ACOXL: variants seen among roughly 807,000 people sequenced by gnomAD.
The protein encoded by ACOXL is acyl-CoA oxidase like.
ACOXL carries 70 observed loss-of-function variants against 71.9 expected under a neutral mutation model. The observed-to-expected ratio is 0.97, with a 90% confidence interval of 0.80 to 1.19. The LOEUF (loss-of-function observed/expected upper bound fraction) is 1.19. Among genes scored for constraint, ACOXL ranks in the 50% most tolerant of loss-of-function variants. ACOXL has a pLI of 0.00. For synonymous variants in ACOXL, 253 were observed against 281.6 expected, an observed-to-expected ratio of 0.90 and a Z score of 1.02; for missense variants, 703 against 736.3, an observed-to-expected ratio of 0.95 and a Z score of 0.52.
chr2:110,960,180 A>T (rs879492563), intron 12 of ACOXL, among the ~76,000 whole-genome samples: 5 of 152,192 alleles, frequency 3.3e-5, no homozygotes, highest in Non-Finnish European at 5.9e-5. Context: ...CAGGATTGCA[A>T]AACCCCACGG....
intron 5 of ACOXL, among the ~76,000 whole-genome samples, chr2:110,796,385 C>A (rs1685283732): frequency 6.6e-6 from 1 of 152,202 alleles, no homozygotes; most frequent in Non-Finnish European, 1.5e-5. Context: ...TTTTGCTGGC[C>A]TTCAAACAAA....
chr2:110,883,868 A>G (rs1008782228), intron 10 of ACOXL, among the ~76,000 whole-genome samples: 2 of 152,244 alleles, frequency 1.3e-5, no homozygotes, highest in Non-Finnish European at 2.9e-5. Context: ...AAAAGTATGT[A>G]TATTAAAGAA....
chr2:110,924,835 A>G (rs2060213978), intron 11 of ACOXL, among the ~76,000 whole-genome samples: 1 of 143,162 alleles, frequency 7.0e-6, no homozygotes, highest in South Asian at 2.4e-4. Flanking sequence ...AAGATTTTCA[A>G]TTCACCTAGG....
chr2:110,752,621 C>T (rs779669727), intron 1 of ACOXL, among the ~76,000 whole-genome samples: 29 of 151,198 alleles, frequency 1.9e-4, no homozygotes, highest in African/African-American at 5.4e-4. Context: ...AGTTACTTTG[C>T]GATAATTCAC....
At chr2:110,844,489 A>T (rs1214001397) in intron 10 of ACOXL, among the ~76,000 whole-genome samples, 1 of 149,494 alleles carries the variant, frequency 6.7e-6, no homozygotes, top group Non-Finnish European at 1.5e-5. Context: ...GGAGGACCTG[A>T]TCTTTTCTCT....
chr2:111,031,553 C>A, intron 14 of ACOXL, 74 bp from the exon 15 acceptor site: 1 of 1,366,358 alleles, frequency 7.3e-7, no homozygotes, highest in Non-Finnish European at 1.0e-6. Context: ...TGGATGTTTG[C>A]CGTCTGTCTT....
intron 11 of ACOXL, among the ~76,000 whole-genome samples, chr2:110,913,716 G>A (rs2059733177): frequency 6.6e-6 from 1 of 152,170 alleles, no homozygotes; most frequent in East Asian, 1.9e-4. Context: ...ATACAAGCAT[G>A]GCACAGGCAT....
chr2:110,784,449 G>A (rs556879565), intron 2 of ACOXL, among the ~76,000 whole-genome samples: 37 of 152,276 alleles, frequency 2.4e-4, no homozygotes, highest in Non-Finnish European at 2.9e-5. Flanking sequence ...GGCACGAGGC[G>A]AGTCGGTCGC....
At chr2:110,984,094 C>T (rs571285456) in intron 12 of ACOXL, among the ~76,000 whole-genome samples, 10 of 152,248 alleles carry the variant, frequency 6.6e-5, no homozygotes, top group African/African-American at 1.2e-4. Context: ...GATCCACCCA[C>T]GTTGGCCTCC....
chr2:110,880,256 C>A (rs912516141), intron 10 of ACOXL, among the ~76,000 whole-genome samples: 1 of 152,052 alleles, frequency 6.6e-6, no homozygotes, highest in African/African-American at 2.4e-5. Context: ...GAGTGCCCTC[C>A]CTGTCCCCTC....
intron 10 of ACOXL, among the ~76,000 whole-genome samples, chr2:110,903,112 C>T (rs751907976): frequency 6.6e-6 from 1 of 152,210 alleles, no homozygotes; most frequent in Non-Finnish European, 1.5e-5. Flanking sequence ...CCCAAAGCTC[C>T]TCTCCTTTGA....
chr2:110,812,695 A>G (rs545344967), intron 9 of ACOXL, among the ~76,000 whole-genome samples: 1 of 152,392 alleles, frequency 6.6e-6, no homozygotes, highest in Non-Finnish European at 1.5e-5. Flanking sequence ...AAGTGCAGCC[A>G]GAGATAGTAA....
At chr2:110,948,923 G>T (rs899034258) in intron 12 of ACOXL, among the ~76,000 whole-genome samples, 3 of 151,846 alleles carry the variant, frequency 2.0e-5, no homozygotes, top group Admixed American at 6.6e-5. Flanking sequence ...AACATAGATG[G>T]TGTTTGTTTA....
At position 110,850,646 on chromosome 2, in the gene ACOXL, A is replaced by G. The variant is rs1692488690; in HGVS notation, c.788+9241A>G. 2.6e-5 allele frequency among the ~76,000 whole-genome samples: 4 copies of G among 152,308 alleles called. No homozygotes were observed. In the South Asian group the frequency reaches 8.3e-4, roughly 32 times the overall value. On this transcript the variant is annotated intron_variant, in intron 10 of 17. Transcript: ENST00000439055. ...AAAACTTCCCAACACAAACACAAAC[A>G]AAAAAACCACGCTGATAATATGAAG... is the stretch of plus-strand genomic sequence containing the variant.
At chr2:110,978,528 C>T (rs1479236721) in intron 12 of ACOXL, among the ~76,000 whole-genome samples, 7 of 152,232 alleles carry the variant, frequency 4.6e-5, no homozygotes, top group Admixed American at 2.0e-4. Context: ...CCAAAGGAAC[C>T]GGTGCAGGCT....
chr2:111,014,233 C>T (rs142678555), intron 14 of ACOXL, among the ~76,000 whole-genome samples: 13 of 152,100 alleles, frequency 8.5e-5, no homozygotes, highest in East Asian at 5.8e-4. Context: ...GCCAGTGCAA[C>T]GAGACAGGAA....
chr2:111,036,067 T>G (rs553059984), intron 15 of ACOXL, among the ~76,000 whole-genome samples: 21 of 152,330 alleles, frequency 1.4e-4, no homozygotes, highest in Non-Finnish European at 2.1e-4. Flanking sequence ...CTCAACTAAA[T>G]CCAAGATCAT....
intron 7 of ACOXL, among the ~76,000 whole-genome samples, chr2:110,800,511 A>AT (rs113596812): frequency 0.058 from 8,467 of 146,268 alleles, 377 homozygotes; most frequent in African/African-American, 0.12. Context: ...TGATACATGA[A>AT]TTTTTTTTTT....
chr2:110,764,264 T>C (rs1178125486), intron 1 of ACOXL, among the ~76,000 whole-genome samples: 2 of 152,168 alleles, frequency 1.3e-5, no homozygotes, highest in Non-Finnish European at 2.9e-5. Context: ...GTAACCAAGA[T>C]GTCTATCAGT....
Sources: allele counts gnomAD v4.1 joint callset (sites outside exome capture counted in the v4.1 genomes callset), GRCh38; gene constraint gnomAD v4.1.1; transcripts MANE v1.5; gene names NCBI Gene and HGNC (gene_info 2026-07-23, HGNC 2026-07-21).